The following GLI3 variants were observed in gnomAD, a reference collection of about 807,000 sequenced individuals.
GLI3 encodes the protein GLI family zinc finger 3.
Under a neutral mutation model 100.8 loss-of-function variants are expected in GLI3, and 20 were observed. That is an observed-to-expected ratio of 0.20 (90% CI 0.14 to 0.29). The LOEUF (loss-of-function observed/expected upper bound fraction) is 0.29, where lower values mean the gene tolerates loss of function less well. Ranked by LOEUF, GLI3 falls within the 10% of genes least tolerant of loss-of-function variation. The probability of loss-of-function intolerance (pLI) is 1.00; values close to 1 mark genes in which losing one functional copy is unlikely to be tolerated. For missense variants in GLI3, 2,040 were observed against 2,128.5 expected (o/e 0.96, Z 0.82); for synonymous variants, 938 against 860.5 (o/e 1.09, Z -1.58).
intron 4 of GLI3, among the ~76,000 whole-genome samples, chr7:42,054,925 G>T (rs1443363182): frequency 6.6e-6 from 1 of 151,796 alleles, no homozygotes; most frequent in Non-Finnish European, 1.5e-5. Flanking sequence ...AGCCTGGGAG[G>T]TTGAGGCTGC....
chr7:42,029,620 T>C (rs1052726877), intron 7 of GLI3, among the ~76,000 whole-genome samples: 2 of 152,148 alleles, frequency 1.3e-5, no homozygotes, highest in Admixed American at 1.3e-4. Context: ...TTTTGCCTCC[T>C]GTCACAGCAT....
chr7:42,042,169 C>G (rs948016069), intron 6 of GLI3, among the ~76,000 whole-genome samples: 1 of 152,024 alleles, frequency 6.6e-6, no homozygotes, highest in Non-Finnish European at 1.5e-5. Flanking sequence ...CACACCACCA[C>G]GCCCGGATAA....
In GLI3 at chr7:42,249,046, C is replaced by A. The variant is rs144547063; in HGVS notation, c.-43+14948G>T. On this transcript the variant is annotated intron_variant, in intron 1 of 2. Transcript: ENST00000678978. ...ACAGGCATGAGCCACTGCGCCTGGC[C>A]TTATCGAAATTTAGGAGAGTATTTT... Among the ~76,000 whole-genome samples, 8 of 152,264 alleles carry A rather than the reference C, an allele frequency of 5.3e-5. No individual in the cohort carries two copies. In the East Asian group the frequency reaches 1.4e-3, roughly 26 times the overall value.
intron 2 of GLI3, among the ~76,000 whole-genome samples, chr7:42,211,984 G>C (rs1009782284): frequency 6.6e-5 from 10 of 152,106 alleles, no homozygotes; most frequent in African/African-American, 2.4e-4. Flanking sequence ...GAGCTGCAGT[G>C]CCTTCCAAAA....
intron 10 of GLI3, among the ~76,000 whole-genome samples, chr7:41,988,759 G>A (rs1252265860): frequency 6.6e-6 from 1 of 152,210 alleles, no homozygotes; most frequent in East Asian, 1.9e-4. Flanking sequence ...AACAGGCTAA[G>A]ACAGGCCCCT....
chr7:41,993,143 C>T (rs1002529353), intron 10 of GLI3, among the ~76,000 whole-genome samples: 9 of 151,908 alleles, frequency 5.9e-5, no homozygotes, highest in African/African-American at 1.5e-4. Context: ...ACAAAGTGTC[C>T]GGCAAGAAAA....
intron 2 of GLI3, among the ~76,000 whole-genome samples, chr7:42,175,920 C>T (rs1375743407): frequency 6.6e-6 from 1 of 151,928 alleles, no homozygotes; most frequent in Non-Finnish European, 1.5e-5. Context: ...AGGTAAGAAA[C>T]TTCCCTAAGG....
At chr7:41,994,133 T>G (rs1788063529) in intron 10 of GLI3, among the ~76,000 whole-genome samples, 1 of 152,134 alleles carries the variant, frequency 6.6e-6, no homozygotes, top group South Asian at 2.1e-4. Context: ...TTATCGTAGG[T>G]TTCTCTTGAA....
intron 3 of GLI3, among the ~76,000 whole-genome samples, chr7:42,091,207 AAAG>A (rs1785210316): frequency 6.6e-6 from 1 of 152,234 alleles, no homozygotes; most frequent in South Asian, 2.1e-4. Flanking sequence ...ATTTCCCACA[AAAG>A]TACTCCCACT....
rs761730228 is a variant in GLI3 at position 41,966,304 on chromosome 7, G to A, written c.2769C>T (p.Pro923=). The A allele has an allele frequency of 1.9e-6, 3 of 1,607,760 alleles. No homozygotes were observed. The highest frequency in any genetic ancestry group is 1.1e-5 in the South Asian group (1 of 91,010). ...DGLPSLLSLT[P]AQQYRLKAKY... ...TGGCCTTGAGGCGGTACTGCTGGGCGGGCGTGAGGCTGAGCAGGCTGGGCA... is the reference window on the plus strand; with the variant it reads ...TGGCCTTGAGGCGGTACTGCTGGGCAGGCGTGAGGCTGAGCAGGCTGGGCA... Residue 923 remains proline (P), a synonymous_variant, in exon 15 of 15, where the codon CCC becomes CCT. Coordinates refer to ENST00000395925, the MANE Select transcript of GLI3 (RefSeq NM_000168.6). This position sits in a 1 kb window ranked among gnomAD's most constrained non-coding sequence, Gnocchi z 5.8.
chr7:42,221,683 A>G (rs1360818535), intron 2 of GLI3, among the ~76,000 whole-genome samples: 1 of 152,172 alleles, frequency 6.6e-6, no homozygotes, highest in Non-Finnish European at 1.5e-5. Flanking sequence ...CCAAATAACC[A>G]ACACTGCATA....
rs573896596 is a variant in GLI3 at position 42,207,060 on chromosome 7, A to C, written c.124+16070T>G. 1.0e-3 allele frequency among the ~76,000 whole-genome samples: 156 copies of C among 152,338 alleles called. 1 individual carries two copies. Among genetic ancestry groups the C allele is most frequent in the Middle Eastern group, 0.01 (3 of 294 alleles). On this transcript the variant is annotated intron_variant, in intron 2 of 14. Coordinates refer to ENST00000395925, the MANE Select transcript of GLI3 (RefSeq NM_000168.6). ...AAAATACAGAAAATACCAAGTGTTG[A>C]CACGAATGAGAAGCAAGTCTATACA... is the stretch of plus-strand genomic sequence containing the variant.
At position 41,966,193 on chromosome 7, in the gene GLI3, G is replaced by A. The variant is rs769801290; in HGVS notation, c.2880C>T (p.Leu960=). The A allele has an allele frequency of 1.2e-6, 2 of 1,605,370 alleles. No individual in the cohort carries two copies. The highest frequency in any genetic ancestry group is 2.2e-5 in the South Asian group (2 of 90,520). ...CCACGCCAGGCTCGAGGGCATCCCC[G>A]AGCAGCGCCAGGCGCGTCTTCAGGC... ...RMSLKTRLAL[L]GDALEPGVAL... is the part of the protein sequence containing the mutation. The change falls in exon 15 of 15, where the codon CTC becomes CTT. Residue 960 remains leucine, a synonymous_variant. Coordinates refer to ENST00000395925, the MANE Select transcript of GLI3 (RefSeq NM_000168.6). This position sits in a 1 kb window ranked among gnomAD's most constrained non-coding sequence, Gnocchi z 5.8.
intron 2 of GLI3, among the ~76,000 whole-genome samples, chr7:42,182,559 T>C (rs1363024194): frequency 6.7e-6 from 1 of 148,844 alleles, no homozygotes; most frequent in Non-Finnish European, 1.5e-5. Flanking sequence ...CTAAGCTTAT[T>C]ACCAACTTTC....
chr7:41,987,961 G>A (rs1232654968), intron 10 of GLI3, among the ~76,000 whole-genome samples: 2 of 152,168 alleles, frequency 1.3e-5, no homozygotes, highest in African/African-American at 2.4e-5. Context: ...ATATTAACGT[G>A]ACCTAAAAAC....
In GLI3 at chr7:42,153,880, A is replaced by G. The variant is rs867435690; in HGVS notation, c.125-5412T>C. Among the ~76,000 whole-genome samples the G allele has an allele frequency of 5.9e-5, 9 of 152,136 alleles. No homozygotes were observed. The South Asian group carries it at 1.2e-3, about 21-fold the overall frequency. ...CTCATGTGATCCTCACAGCAACCCA[A>G]TGATGGCGGTAGGACAAGGTATTAG... On this transcript the variant is annotated intron_variant, in intron 2 of 14. Coordinates refer to ENST00000395925, the MANE Select transcript of GLI3 (RefSeq NM_000168.6).
chr7:42,138,794 G>A (rs77877000), intron 3 of GLI3, among the ~76,000 whole-genome samples: 2,425 of 152,328 alleles, frequency 0.016, 70 homozygotes, highest in African/African-American at 0.055. Flanking sequence ...CAAGACAGGA[G>A]CACAATCAGG....
upstream of GLI3, among the ~76,000 whole-genome samples, chr7:42,239,382 G>T (rs1467060368): frequency 6.6e-6 from 1 of 152,224 alleles, no homozygotes; most frequent in African/African-American, 2.4e-5. Context: ...ACATGGAAAA[G>T]TATAGAGGGC....
At chr7:42,250,726 A>C (rs1201033974) in intron 1 of GLI3, among the ~76,000 whole-genome samples, 1 of 152,178 alleles carries the variant, frequency 6.6e-6, no homozygotes, top group Non-Finnish European at 1.5e-5. Flanking sequence ...GAAGTGCCAA[A>C]AGGGCAGCTG....
Sources: gnomAD v4.1 joint callset for allele counts (sites outside exome capture counted in the v4.1 genomes callset) on GRCh38, gnomAD v4.1.1 for gene constraint, Gnocchi (gnomAD v3.1) non-coding constraint, MANE v1.5 for transcripts, NCBI Gene and HGNC (gene_info 2026-07-23, HGNC 2026-07-21) for gene names.